SORCS3: variants seen among roughly 807,000 people sequenced by gnomAD.
SORCS3 encodes the protein VPS10 domain-containing receptor SorCS3.
A neutral mutation model predicts 146.3 loss-of-function variants in SORCS3; 57 were observed. That is an observed-to-expected ratio of 0.39 (90% CI 0.31 to 0.49). The LOEUF (loss-of-function observed/expected upper bound fraction) is 0.49, where lower values mean the gene tolerates loss of function less well. SORCS3 is among the 20% of genes least tolerant of loss of function. The pLI is 0.92. For missense variants in SORCS3, 1,341 were observed against 1,575.5 expected (o/e 0.85, Z 2.52); for synonymous variants, 653 against 618.5 (o/e 1.06, Z -0.83).
chr10:105,075,639 A>G (rs952790980), intron 5 of SORCS3, among the ~76,000 whole-genome samples: 3 of 152,082 alleles, frequency 2.0e-5, no homozygotes, highest in South Asian at 2.1e-4. Flanking sequence ...GTTTCCCTAT[A>G]AAGAAGGGGG....
At chr10:104,976,274 A>G (rs1350702260) in intron 3 of SORCS3, among the ~76,000 whole-genome samples, 2 of 152,258 alleles carry the variant, frequency 1.3e-5, no homozygotes, top group Non-Finnish European at 2.9e-5. Flanking sequence ...ACTTCTCAAA[A>G]GGAGACATTT....
At chr10:105,242,224 A>G (rs1335228811) in intron 20 of SORCS3, among the ~76,000 whole-genome samples, 1 of 144,072 alleles carries the variant, frequency 6.9e-6, no homozygotes, top group African/African-American at 2.6e-5. Flanking sequence ...CTTCAATATT[A>G]CTTGTTATCA....
chr10:105,001,269 T>A (rs2055058941), intron 4 of SORCS3, among the ~76,000 whole-genome samples: 1 of 152,180 alleles, frequency 6.6e-6, no homozygotes, highest in Non-Finnish European at 1.5e-5. Flanking sequence ...GAAGAATGTT[T>A]CTGGAAGCAG....
At chr10:105,084,955 C>T (rs547622965) in intron 5 of SORCS3, among the ~76,000 whole-genome samples, 2 of 152,172 alleles carry the variant, frequency 1.3e-5, no homozygotes, top group East Asian at 1.9e-4. Flanking sequence ...TGGTCTCGAT[C>T]TCCTGACCTC....
chr10:105,068,242 A>G (rs559721223), intron 5 of SORCS3, among the ~76,000 whole-genome samples: 2 of 152,312 alleles, frequency 1.3e-5, no homozygotes, highest in African/African-American at 4.8e-5. Context: ...AGATTATTTT[A>G]GTTAACAATA....
At chr10:104,939,061 C>A (rs2019286827) in intron 3 of SORCS3, among the ~76,000 whole-genome samples, 2 of 152,256 alleles carry the variant, frequency 1.3e-5, no homozygotes, top group South Asian at 4.1e-4. Flanking sequence ...TTCTGCTGGC[C>A]TCTCCTGTCA....
At chr10:105,107,313 ATTT>A (rs34529775) in intron 7 of SORCS3, among the ~76,000 whole-genome samples, 2 of 134,330 alleles carry the variant, frequency 1.5e-5, no homozygotes, top group South Asian at 2.4e-4. Flanking sequence ...TTCTATTTAG[ATTT>A]TTTTTTTTTT....
intron 2 of SORCS3, among the ~76,000 whole-genome samples, chr10:104,852,909 G>C (rs1339586785): frequency 6.6e-6 from 1 of 152,232 alleles, no homozygotes; most frequent in Non-Finnish European, 1.5e-5. Flanking sequence ...GAGTGGTCAT[G>C]AGGTGCTGCT....
chr10:104,897,212 T>C (rs1489626984), intron 2 of SORCS3, among the ~76,000 whole-genome samples: 1 of 152,220 alleles, frequency 6.6e-6, no homozygotes, highest in African/African-American at 2.4e-5. Context: ...TAACAGTCTG[T>C]GGGCCTATCA....
intron 1 of SORCS3, among the ~76,000 whole-genome samples, chr10:104,678,556 C>T (rs2015937828): frequency 1.3e-5 from 2 of 152,120 alleles, no homozygotes; most frequent in African/African-American, 4.8e-5. Flanking sequence ...AATGTTTTAC[C>T]TGCCTCTTTG....
intron 2 of SORCS3, among the ~76,000 whole-genome samples, chr10:104,882,160 A>C (rs117225208): frequency 1.3e-5 from 2 of 152,322 alleles, no homozygotes; most frequent in East Asian, 1.9e-4. Context: ...TTTTCTTTTC[A>C]CAACAAATTG....
At chr10:104,796,019 A>G (rs994111169) in intron 1 of SORCS3, among the ~76,000 whole-genome samples, 1 of 152,190 alleles carries the variant, frequency 6.6e-6, no homozygotes, top group Non-Finnish European at 1.5e-5. Flanking sequence ...CTGAGCTGTC[A>G]TGTGTCTTTG....
intron 3 of SORCS3, among the ~76,000 whole-genome samples, chr10:104,944,618 C>T (rs1369302382): frequency 6.6e-6 from 1 of 152,144 alleles, no homozygotes. Flanking sequence ...GCTCAATTTC[C>T]TTTGTCATCA....
chr10:105,154,038 C>G (rs12413977), intron 9 of SORCS3, among the ~76,000 whole-genome samples: 1 of 146,100 alleles, frequency 6.8e-6, no homozygotes, highest in East Asian at 2.0e-4. Context: ...CCACTGCACT[C>G]TAGCCCAGGT....
intron 8 of SORCS3, among the ~76,000 whole-genome samples, chr10:105,142,362 A>G (rs2056101097): frequency 6.6e-6 from 1 of 152,146 alleles, no homozygotes; most frequent in South Asian, 2.1e-4. Context: ...ATATGACTTG[A>G]CAAGATTCAG....
intron 5 of SORCS3, among the ~76,000 whole-genome samples, chr10:105,056,454 C>T (rs368925580): frequency 6.6e-6 from 1 of 152,234 alleles, no homozygotes; most frequent in East Asian, 1.9e-4. Flanking sequence ...GGATATAGAC[C>T]AGATTCAGAT....
chr10:104,778,830 A>C (rs2017341409), intron 1 of SORCS3, among the ~76,000 whole-genome samples: 1 of 152,120 alleles, frequency 6.6e-6, no homozygotes, highest in African/African-American at 2.4e-5. Context: ...ACAGATGTGG[A>C]CCTGCAAAAG....
At chr10:105,162,881 C>T (rs1393620435) in intron 11 of SORCS3, among the ~76,000 whole-genome samples, 1 of 152,194 alleles carries the variant, frequency 6.6e-6, no homozygotes, top group Non-Finnish European at 1.5e-5. Context: ...CTGTTGATCA[C>T]CACCACATTC....
intron 3 of SORCS3, among the ~76,000 whole-genome samples, chr10:104,948,178 C>G (rs2019392836): frequency 6.6e-6 from 1 of 152,182 alleles, no homozygotes; most frequent in Non-Finnish European, 1.5e-5. Flanking sequence ...CTGGTCCTGT[C>G]TTAAGTGCCC....
Sources: allele counts gnomAD v4.1 joint callset (sites outside exome capture counted in the v4.1 genomes callset), GRCh38; gene constraint gnomAD v4.1.1; transcripts MANE v1.5; gene names NCBI Gene and HGNC (gene_info 2026-07-23, HGNC 2026-07-21).